Variants in PMPCB observed in about 807,000 individuals in gnomAD.
PMPCB encodes the protein mitochondrial-processing peptidase subunit beta.
Under a neutral mutation model 61.5 loss-of-function variants are expected in PMPCB, and 46 were observed. That is an observed-to-expected ratio of 0.75 (90% CI 0.59 to 0.96). PMPCB has a LOEUF of 0.96. PMPCB is among the 40% of genes least tolerant of loss of function. PMPCB has a pLI of 0.00. For synonymous variants in PMPCB, 191 were observed against 201.6 expected, an observed-to-expected ratio of 0.95 and a Z score of 0.44; for missense variants, 590 against 602.4, an observed-to-expected ratio of 0.98 and a Z score of 0.22.
chr7:103,322,077 C>T (rs773105471), intron 12 of PMPCB: 1 of 1,598,092 alleles, frequency 6.3e-7, no homozygotes, highest in African/African-American at 1.4e-5. Flanking sequence ...TTCAGCTTGT[C>T]TTTGCTTTAA....
At chr7:103,322,537 G>A (rs1211418461) in intron 12 of PMPCB, 7 of 1,535,962 alleles carry the variant, frequency 4.6e-6, no homozygotes, top group East Asian at 4.6e-5. Context: ...TGCTCCTTCC[G>A]TTTAGCTTCT....
chr7:103,310,619 G>A (rs1357858135), intron 9 of PMPCB, 144 bp downstream of exon 9: 6 of 524,122 alleles, frequency 1.1e-5, no homozygotes, highest in Non-Finnish European at 1.9e-5. Flanking sequence ...TGTTTTCAAA[G>A]GTTGCAGTTG....
the PMPCB span, among the ~76,000 whole-genome samples, chr7:103,344,094 G>A: frequency 6.6e-6 from 1 of 152,212 alleles, no homozygotes; most frequent in Admixed American, 6.5e-5. Context: ...CGAGTATGAG[G>A]AGCGGTGTCT....
chr7:103,307,533 C>T, intron 6 of PMPCB, 63 bp from the exon 7 acceptor site: 1 of 938,782 alleles, frequency 1.1e-6, no homozygotes, highest in Non-Finnish European at 1.7e-6. Context: ...ATTATACCAC[C>T]TAGGGTTTAT....
At chr7:103,347,008 A>G in the PMPCB span, among the ~76,000 whole-genome samples, 1 of 152,252 alleles carries the variant, frequency 6.6e-6, no homozygotes, top group Non-Finnish European at 1.5e-5. Context: ...TTTTGGATAC[A>G]CATCCAGAAA....
rs1274455559 is a variant in PMPCB, at chr7:103,299,543, CTT to C, written c.327+16_327+17del. 6.5e-7 allele frequency: 1 copy of C among 1,545,680 alleles called. No individual in the cohort carries two copies. The highest frequency in any genetic ancestry group is 8.9e-7 in the Non-Finnish European group (1 of 1,122,496). On this transcript the variant is annotated intron_variant, in intron 3 of 12. Coordinates refer to ENST00000249269, the MANE Select transcript of PMPCB (RefSeq NM_004279.3). ...ATGGCTTTCAAGGCAAGTTGTAAGA[CTT>C]TACAAAAATGCACTCTCTTTAAGAG...
intron 7 of PMPCB, among the ~76,000 whole-genome samples, chr7:103,307,959 GTTT>G (rs1472472231): frequency 6.6e-6 from 1 of 152,186 alleles, no homozygotes; most frequent in African/African-American, 2.4e-5. Flanking sequence ...AGGAAGCAAA[GTTT>G]TTAAGAGCAG....
Position 103,312,299 on chromosome 7 carries a change from A to T in PMPCB, c.*28A>T. On this transcript the variant is annotated 3_prime_UTR_variant, in exon 13 of 13. Coordinates refer to ENST00000249269, the MANE Select transcript of PMPCB (RefSeq NM_004279.3). ...TGCTCCTAATCAAGATTGTTTGAAC[A>T]CATGTATTTATAAAACAGAGCTAGA... The T allele has an allele frequency of 6.2e-7, 1 of 1,606,028 alleles. No individual in the cohort carries two copies. Among genetic ancestry groups the T allele is most frequent in the Non-Finnish European group, 8.5e-7 (1 of 1,179,702 alleles).
rs765111700 is a variant in PMPCB at position 103,309,088 on chromosome 7, G to A, written c.986G>A (p.Gly329Glu). The A allele has an allele frequency of 7.3e-5, 116 of 1,598,038 alleles. No individual in the cohort carries two copies. In the South Asian group the frequency reaches 1.2e-3, roughly 16 times the overall value. The change falls in exon 8 of 13, where the codon GGA (glycine) becomes GAA (glutamate). Residue 329 changes from glycine (G) to glutamate (E), a missense_variant. By Grantham distance (98) the Gly-to-Glu change is moderately conservative. Coordinates refer to ENST00000249269, the MANE Select transcript of PMPCB (RefSeq NM_004279.3). ...LIGNWDRSFG[G>E]GMNLSSKLAQ... is the part of the protein sequence containing the mutation. ...GGCAACTGGGATCGCTCTTTTGGGGGAGGAATGGTAAGTGATTTTAAAAGA... is the reference window on the plus strand; with the variant it reads ...GGCAACTGGGATCGCTCTTTTGGGGAAGGAATGGTAAGTGATTTTAAAAGA...
chr7:103,337,458 T>C, the PMPCB span: 1 of 300,658 alleles, frequency 3.3e-6, no homozygotes, highest in Non-Finnish European at 6.1e-6. Context: ...AAGTATTATT[T>C]TTTAAAAGCT....
downstream of PMPCB, chr7:103,315,965 C>G: frequency 1.3e-6 from 2 of 1,572,088 alleles, no homozygotes; most frequent in Non-Finnish European, 1.7e-6. Flanking sequence ...TTTAAAGTAA[C>G]AAATGGACTT....
downstream of PMPCB, chr7:103,315,626 G>A: frequency 1.7e-6 from 1 of 575,736 alleles, no homozygotes. Context: ...TCTTTGCCCT[G>A]GAAATGTTTG....
Position 103,313,190 on chromosome 7 carries a change from T to C in PMPCB, c.*919T>C, listed in dbSNP as rs1370760966. The C allele has an allele frequency of 5.4e-6, 8 of 1,476,672 alleles. No individual in the cohort carries two copies. Among genetic ancestry groups the C allele is most frequent in the Non-Finnish European group, 7.1e-6 (8 of 1,120,012 alleles). The allele number at this position is 1,476,672 out of a possible 1,614,324, so 91.5% of individuals were successfully genotyped here. A position where few individuals can be genotyped will look rare whatever the true frequency, so the allele number is the denominator to read the frequency against. ...TCCACAAGTATTCGCTAAGTGCCCATTTCAATCTGGGATGTGTCATTTTGA... is the reference window on the plus strand; with the variant it reads ...TCCACAAGTATTCGCTAAGTGCCCACTTCAATCTGGGATGTGTCATTTTGA... On this transcript the variant is annotated 3_prime_UTR_variant, in exon 13 of 13. Coordinates refer to ENST00000249269, the MANE Select transcript of PMPCB (RefSeq NM_004279.3).
Position 103,311,665 on chromosome 7 carries a change from A to G in PMPCB, c.1177A>G (p.Thr393Ala). ...KEWMRLCTSVTESEVARARNL... is the reference protein window; with the variant it reads ...KEWMRLCTSVAESEVARARNL... Reference sequence around the variant, plus strand: ...TAGGATGCGACTCTGTACAAGTGTCACAGAAAGTGAGGTTGCACGAGCCAG... The same window carrying G: ...TAGGATGCGACTCTGTACAAGTGTCGCAGAAAGTGAGGTTGCACGAGCCAG... The change falls in exon 10 of 13, where the codon ACA becomes GCA. Residue 393 changes from threonine (T) to alanine (A), a missense_variant. Coordinates refer to ENST00000249269, the MANE Select transcript of PMPCB (RefSeq NM_004279.3). 5 of 1,613,954 alleles carry G rather than the reference A, an allele frequency of 3.1e-6. No homozygotes were observed. Among genetic ancestry groups the G allele is most frequent in the Non-Finnish European group, 4.2e-6 (5 of 1,179,854 alleles).
At chr7:103,307,988 T>C (rs1420279438) in intron 7 of PMPCB, among the ~76,000 whole-genome samples, 2 of 152,256 alleles carry the variant, frequency 1.3e-5, no homozygotes, top group Non-Finnish European at 2.9e-5. Flanking sequence ...AATTTGGTCT[T>C]TTTGTGCTTT....
chr7:103,337,467 C>T, the PMPCB span: 25 of 314,370 alleles, frequency 8.0e-5, no homozygotes, highest in Non-Finnish European at 1.2e-4. Flanking sequence ...TTTTTAAAAG[C>T]TTGCCATTGG....
chr7:103,340,026 T>TG, the PMPCB span, among the ~76,000 whole-genome samples: 1 of 152,056 alleles, frequency 6.6e-6, no homozygotes, highest in Non-Finnish European at 1.5e-5. Flanking sequence ...TTAGTAGAGA[T>TG]GGGGTTTCAC....
intron 12 of PMPCB, chr7:103,321,956 C>T: frequency 6.2e-7 from 1 of 1,613,074 alleles, no homozygotes; most frequent in South Asian, 1.1e-5. Flanking sequence ...GAAGTTTTTG[C>T]CTTTCCTTCT....
intron 12 of PMPCB, chr7:103,327,600 C>A (rs1468598424): frequency 8.6e-7 from 1 of 1,158,862 alleles, no homozygotes; most frequent in Admixed American, 2.0e-5. Flanking sequence ...CCAATCCCAG[C>A]AATTAATAAA....
Sources: allele counts gnomAD v4.1 joint callset (sites outside exome capture counted in the v4.1 genomes callset), GRCh38; gene constraint gnomAD v4.1.1; transcripts MANE v1.5; gene names NCBI Gene and HGNC (gene_info 2026-07-23, HGNC 2026-07-21).